Variants in ANKRD18B observed in about 807,000 individuals in gnomAD.
ANKRD18B encodes the protein ankyrin repeat domain-containing protein 18B.
A neutral mutation model predicts 111.8 loss-of-function variants in ANKRD18B; 75 were observed. That is an observed-to-expected ratio of 0.67 (90% CI 0.56 to 0.81). The LOEUF (loss-of-function observed/expected upper bound fraction) is 0.81. Among genes scored for constraint, ANKRD18B ranks in the 40% least tolerant of loss-of-function variants. ANKRD18B has a pLI of 0.00. For missense variants in ANKRD18B, 1,038 were observed against 1,225.5 expected, an observed-to-expected ratio of 0.85 and a Z score of 2.28; for synonymous variants, 356 against 417.3, an observed-to-expected ratio of 0.85 and a Z score of 1.79.
At chr9:33,556,974 G>C (rs1186742518) in intron 13 of ANKRD18B, among the ~76,000 whole-genome samples, 1 of 152,144 alleles carries the variant, frequency 6.6e-6, no homozygotes, top group Admixed American at 6.5e-5. Flanking sequence ...TTTGATCACA[G>C]ACTTTTTTTA....
chr9:33,552,175 G>C (rs1424996428), intron 12 of ANKRD18B, among the ~76,000 whole-genome samples: 1 of 152,156 alleles, frequency 6.6e-6, no homozygotes, highest in Non-Finnish European at 1.5e-5. Flanking sequence ...TTTATTCTAA[G>C]TGTATTTTTA....
chr9:33,540,577 T>C (rs1232926235), intron 8 of ANKRD18B, among the ~76,000 whole-genome samples: 3 of 152,130 alleles, frequency 2.0e-5, no homozygotes, highest in African/African-American at 4.8e-5. Context: ...AGAAATTCAT[T>C]GGAAAATTGT....
At chr9:33,557,284 A>G (rs1276126786) in intron 13 of ANKRD18B, among the ~76,000 whole-genome samples, 3 of 152,016 alleles carry the variant, frequency 2.0e-5, no homozygotes, top group Non-Finnish European at 4.4e-5. Context: ...ACATTGAATA[A>G]TGTCCTTGTG....
rs1391484933 is a variant in ANKRD18B at position 33,539,461 on chromosome 9, T to C, written c.821T>C (p.Met274Thr). Residue 274 changes from methionine (M) to threonine (T), a missense_variant, in exon 7 of 19, where the codon ATG becomes ACG. By Grantham distance (81) the Met-to-Thr change is moderately conservative (BLOSUM62 -1). This residue lies in a region of ANKRD18B where 93 missense variants were observed against 141.3 expected (regional missense o/e 0.66). Coordinates refer to ENST00000684830, the MANE Select transcript of ANKRD18B (RefSeq NM_001393611.1). The part of the protein sequence containing the change: ...LRNDNQEAAA[M>T]KNESFKTQGA... ...GCATGTTTGACAGAAGCAGCAGCCA[T>C]GAAGAATGAAAGTTTTAAAACACAA... The C allele has an allele frequency of 6.1e-6, 1 of 163,998 alleles. No individual in the cohort carries two copies. Among genetic ancestry groups the C allele is most frequent in the African/African-American group, 2.4e-5 (1 of 41,418 alleles). 10.2% of individuals were successfully genotyped at this position (163,998 alleles called of 1,614,324 possible).
chr9:33,531,284 G>A (rs1408609453), intron 3 of ANKRD18B, among the ~76,000 whole-genome samples: 2 of 152,046 alleles, frequency 1.3e-5, no homozygotes, highest in Non-Finnish European at 2.9e-5. Context: ...ATCAGGGCCT[G>A]AGTTTTTTTA....
chr9:33,527,307 T>G (rs1828038209), intron 1 of ANKRD18B, among the ~76,000 whole-genome samples: 1 of 135,466 alleles, frequency 7.4e-6, no homozygotes, highest in Non-Finnish European at 1.7e-5. Context: ...TCATGTTTCT[T>G]TTTTTGTTTG....
chr9:33,567,481 C>T (rs1316113953), intron 16 of ANKRD18B, among the ~76,000 whole-genome samples, 167 bp downstream of exon 16: 2 of 152,144 alleles, frequency 1.3e-5, no homozygotes, highest in Non-Finnish European at 2.9e-5. Context: ...TTAAAATGTT[C>T]ATCAAGGATA....
intron 6 of ANKRD18B, 46 bp downstream of exon 6, chr9:33,536,991 C>T (rs1187267144): frequency 7.1e-7 from 1 of 1,406,206 alleles, no homozygotes; most frequent in African/African-American, 1.5e-5. Context: ...GGTGATCTTA[C>T]TGATTTTAAA....
At position 33,529,027 on chromosome 9, in the gene ANKRD18B, G is replaced by A. The variant is rs753194150; in HGVS notation, c.349G>A (p.Ala117Thr). Residue 117 changes from alanine to threonine, a missense_variant, in exon 3 of 19, where the codon GCC becomes ACC. Physicochemically the swap from Ala to Thr is moderately conservative, Grantham distance 58 (BLOSUM62 0). Around this residue, in one of 4 missense-constraint regions of ANKRD18B, gnomAD observed 216 missense variants for 205.1 expected, o/e 1.05. Transcript: ENST00000684830. ...KAVHCQEEACAIILLKRGANP... is the reference protein window; with the variant it reads ...KAVHCQEEACTIILLKRGANP... ...TGTACACTGCCAGGAAGAGGCTTGT[G>A]CCATTATTCTCCTGAAACGTGGCGC... 4 of 1,612,388 alleles carry A rather than the reference G, an allele frequency of 2.5e-6. No homozygotes were observed. In the East Asian group the frequency reaches 6.7e-5, roughly 27 times the overall value.
chr9:33,565,500 T>C (rs1414637536), intron 14 of ANKRD18B, among the ~76,000 whole-genome samples: 1 of 152,210 alleles, frequency 6.6e-6, no homozygotes, highest in Non-Finnish European at 1.5e-5. Flanking sequence ...GGTCTTTGTC[T>C]ATCATCCAGG....
chr9:33,548,426 G>C lies in ANKRD18B; in HGVS notation c.1638G>C (p.Gln546His). 1 of 1,551,224 alleles carries C rather than the reference G, an allele frequency of 6.4e-7. No individual in the cohort carries two copies. The highest frequency in any genetic ancestry group is 8.7e-7 in the Non-Finnish European group (1 of 1,146,646). Reference protein sequence around the residue: ...LTDKNELLTEQVHKARVKFNT... With the variant: ...LTDKNELLTEHVHKARVKFNT... ...ATAAGAATGAGTTGCTTACTGAACA[G>C]GTCCATAAAGCTCGGGTGAAGTTCA... Residue 546 changes from glutamine (Q) to histidine (H), a missense_variant, in exon 11 of 19, where the codon CAG becomes CAC. By Grantham distance (24) the Gln-to-His change is conservative. Around this residue, in one of 4 missense-constraint regions of ANKRD18B, gnomAD observed 524 missense variants for 677.9 expected, o/e 0.77. Coordinates refer to ENST00000684830, the MANE Select transcript of ANKRD18B (RefSeq NM_001393611.1).
intron 10 of ANKRD18B, among the ~76,000 whole-genome samples, chr9:33,544,343 T>A (rs1286753165): frequency 6.6e-6 from 1 of 152,210 alleles, no homozygotes; most frequent in African/African-American, 2.4e-5. Context: ...GTTTTAATTA[T>A]TTTCTATTTT....
At chr9:33,557,747 C>T (rs1018520542) in intron 13 of ANKRD18B, among the ~76,000 whole-genome samples, 1 of 151,812 alleles carries the variant, frequency 6.6e-6, no homozygotes, top group Non-Finnish European at 1.5e-5. Context: ...GTGATCACGC[C>T]ATCACACTTC....
At chr9:33,535,724 T>G (rs1397347516) in intron 5 of ANKRD18B, among the ~76,000 whole-genome samples, 2 of 146,876 alleles carry the variant, frequency 1.4e-5, no homozygotes, top group Non-Finnish European at 3.0e-5. Flanking sequence ...TTTATATTAT[T>G]TTATATTTTA....
Position 33,562,965 on chromosome 9 carries a change from T to C in ANKRD18B, c.2461-3254T>C, listed in dbSNP as rs868150571. On this transcript the variant is annotated intron_variant, in intron 14 of 18. Coordinates refer to ENST00000684830, the MANE Select transcript of ANKRD18B (RefSeq NM_001393611.1). ...ATTTCCAGTTGTTTTTCAAATCATA[T>C]GTCTTCTTGCTTTGCAGTCTTATTT... Among the ~76,000 whole-genome samples the C allele has an allele frequency of 1.9e-4, 29 of 152,352 alleles. No individual in the cohort carries two copies. In the Middle Eastern group the frequency reaches 0.01, roughly 54 times the overall value.
intron 18 of ANKRD18B, 164 bp from the exon 19 acceptor site, chr9:33,572,152 T>A: frequency 1.6e-6 from 1 of 617,778 alleles, no homozygotes; most frequent in Non-Finnish European, 2.9e-6. Context: ...TTAGAATTAG[T>A]GCCATGTGTA....
At position 33,545,334 on chromosome 9, in the gene ANKRD18B, C is replaced by T. The variant is rs1440824829; in HGVS notation, c.1149+2079C>T. On this transcript the variant is annotated intron_variant, in intron 10 of 18. Coordinates refer to ENST00000684830, the MANE Select transcript of ANKRD18B (RefSeq NM_001393611.1). Reference sequence around the variant, plus strand: ...ATATGCAAATACGAGAAAATATAACCCAAAATACCACAGATTGGAAATTAG... The same window carrying T: ...ATATGCAAATACGAGAAAATATAACTCAAAATACCACAGATTGGAAATTAG... Among the ~76,000 whole-genome samples the T allele has an allele frequency of 1.3e-5, 2 of 151,960 alleles. 1 individual carries two copies. The highest frequency in any genetic ancestry group is 4.2e-4 in the South Asian group (2 of 4,814).
At chr9:33,573,667 C>T (rs1170450493), downstream of ANKRD18B, among the ~76,000 whole-genome samples, 3 of 143,728 alleles carry the variant, frequency 2.1e-5, no homozygotes, top group South Asian at 2.3e-4. Context: ...GAAAACCCCC[C>T]GGGCCTGACC....
chr9:33,568,550 A>T, intron 16 of ANKRD18B, 121 bp from the exon 17 acceptor site: 2 of 837,150 alleles, frequency 2.4e-6, no homozygotes, highest in Non-Finnish European at 1.8e-6. Flanking sequence ...TCTTCGTGTG[A>T]AAACACTGTT....
Sources: gnomAD v4.1 joint callset for allele counts (sites outside exome capture counted in the v4.1 genomes callset) on GRCh38, gnomAD v4.1.1 for gene constraint, gnomAD v4.1.1 regional missense constraint, MANE v1.5 for transcripts, NCBI Gene and HGNC (gene_info 2026-07-23, HGNC 2026-07-21) for gene names.